The following DPH5 variants were observed in gnomAD, a reference collection of about 807,000 sequenced individuals.
DPH5 encodes diphthine methyl ester synthase.
In DPH5, 31 loss-of-function variants were observed where a neutral mutation model predicts 31.6. That is an observed-to-expected ratio of 0.98 (90% CI 0.74 to 1.32). DPH5 has a LOEUF of 1.32. Among genes scored for constraint, DPH5 ranks in the 40% most tolerant of loss-of-function variants. The pLI, the probability that DPH5 is intolerant of heterozygous loss-of-function variation, is 0.00. For missense variants in DPH5, 309 were observed against 335.7 expected (o/e 0.92, Z 0.62); for synonymous variants, 120 against 115.0 (o/e 1.04, Z -0.28).
intron 2 of DPH5, 31 bp from the exon 3 acceptor site, chr1:101,021,796 G>A: frequency 1.3e-6 from 2 of 1,585,054 alleles, no homozygotes; most frequent in Non-Finnish European, 1.7e-6. Flanking sequence ...TCAAGATAAA[G>A]AGACAGCAGG....
chr1:100,999,271 G>A (rs945594903), intron 5 of DPH5, among the ~76,000 whole-genome samples: 2 of 151,606 alleles, frequency 1.3e-5, no homozygotes, highest in East Asian at 2.0e-4. Flanking sequence ...GCAACATGGC[G>A]AAACTCCATC....
At chr1:101,021,843 C>CACAA in intron 2 of DPH5, 78 bp from the exon 3 acceptor site, 1 of 1,321,926 alleles carries the variant, frequency 7.6e-7, no homozygotes, top group Non-Finnish European at 1.0e-6. Flanking sequence ...CACACACACA[C>CACAA]ACACACACAC....
At chr1:100,997,321 T>C (rs764061778) in intron 5 of DPH5, among the ~76,000 whole-genome samples, 3 of 152,186 alleles carry the variant, frequency 2.0e-5, no homozygotes, top group Non-Finnish European at 2.9e-5. Context: ...CTATCTGCCT[T>C]TCCAAAGCTT....
chr1:101,021,125 A>G (rs1336041080), intron 3 of DPH5, among the ~76,000 whole-genome samples: 1 of 152,196 alleles, frequency 6.6e-6, no homozygotes, highest in African/African-American at 2.4e-5. Flanking sequence ...GGTAATGACA[A>G]AGAACAGGGT....
chr1:101,022,125 T>A (rs1315120689), intron 2 of DPH5, among the ~76,000 whole-genome samples: 4 of 152,202 alleles, frequency 2.6e-5, no homozygotes, highest in East Asian at 3.8e-4. Context: ...AGAAACATGA[T>A]GTAATACAGA....
chr1:100,990,952 G>A (rs889000768), intron 7 of DPH5, among the ~76,000 whole-genome samples: 1 of 152,116 alleles, frequency 6.6e-6, no homozygotes, highest in African/African-American at 2.4e-5. Flanking sequence ...AGTAAACAAT[G>A]TTTATTACAC....
At chr1:100,993,194 A>G (rs1310423881) in intron 6 of DPH5, among the ~76,000 whole-genome samples, 1 of 152,130 alleles carries the variant, frequency 6.6e-6, no homozygotes, top group African/African-American at 2.4e-5. Context: ...AGGTGATGGC[A>G]TACGTTTATT....
intron 4 of DPH5, 127 bp downstream of exon 4, chr1:101,013,583 A>C: frequency 1.6e-6 from 1 of 626,690 alleles, no homozygotes; most frequent in South Asian, 2.6e-5. Flanking sequence ...TGTATATACT[A>C]AGCAGCCTAG....
intron 4 of DPH5, among the ~76,000 whole-genome samples, chr1:101,005,288 C>G (rs1659151338): frequency 1.3e-5 from 2 of 152,152 alleles, no homozygotes; most frequent in African/African-American, 4.8e-5. Context: ...TATTTATATC[C>G]TAAATTAAAT....
chr1:101,012,186 C>T (rs1161940251), intron 4 of DPH5, among the ~76,000 whole-genome samples: 10 of 152,214 alleles, frequency 6.6e-5, no homozygotes, highest in Non-Finnish European at 1.5e-4. Flanking sequence ...CAGGCGTGAG[C>T]TACCACGCCC....
At chr1:100,999,205 T>C (rs538082593) in intron 5 of DPH5, among the ~76,000 whole-genome samples, 2 of 152,224 alleles carry the variant, frequency 1.3e-5, no homozygotes, top group African/African-American at 4.8e-5. Context: ...AGCCCAGCAC[T>C]TTGGGGGGCC....
rs1427365022 is a variant in DPH5 at position 101,025,475 on chromosome 1, C to T, written c.-23-9G>A. The T allele has an allele frequency of 6.2e-7, 1 of 1,612,004 alleles. No individual in the cohort carries two copies. Among genetic ancestry groups the T allele is most frequent in the Non-Finnish European group, 8.5e-7 (1 of 1,179,528 alleles). On this transcript the variant is annotated splice_polypyrimidine_tract_variant and intron_variant, in intron 1 of 7. Coordinates refer to ENST00000370109, the MANE Select transcript of DPH5 (RefSeq NM_015958.3). ...CTTGAGGAGAAGAGAGACTGCAAGA[C>T]GAAGTGGACAGAAAAACCGTCAGTA...
rs942433529 is a variant in DPH5 at position 101,014,794 on chromosome 1, A to C, written c.261-976T>G. Among the ~76,000 whole-genome samples, 12 of 152,288 alleles carry C rather than the reference A, an allele frequency of 7.9e-5. No homozygotes were observed. In the East Asian group the frequency reaches 2.1e-3, roughly 27 times the overall value. Reference sequence around the variant, plus strand: ...GTAATCTATCAACTAAGTTTATATGATATTCTAAATCCTTTGTTGTCATCT... The same window carrying C: ...GTAATCTATCAACTAAGTTTATATGCTATTCTAAATCCTTTGTTGTCATCT... On this transcript the variant is annotated intron_variant, in intron 3 of 7. Transcript: ENST00000370109.
chr1:101,022,250 A>G (rs879460172), intron 2 of DPH5, among the ~76,000 whole-genome samples: 3 of 152,238 alleles, frequency 2.0e-5, no homozygotes, highest in Non-Finnish European at 4.4e-5. Flanking sequence ...CCAATGAGAA[A>G]CAATAGAAAA....
At chr1:101,013,219 G>T (rs965735988) in intron 4 of DPH5, among the ~76,000 whole-genome samples, 7 of 152,108 alleles carry the variant, frequency 4.6e-5, no homozygotes, top group African/African-American at 1.2e-4. Context: ...ACAATTGTGG[G>T]GCACTCTAAC....
chr1:101,011,895 C>CTTTTTTT (rs11352737), intron 4 of DPH5, among the ~76,000 whole-genome samples: 108 of 108,124 alleles, frequency 1.0e-3, no homozygotes, highest in Non-Finnish European at 1.2e-3. Context: ...ATTATCAATT[C>CTTTTTTT]TTTTTTTTTT....
rs773542686 is a variant in DPH5 at position 100,990,486 on chromosome 1, A to T, written c.780T>A (p.His260Gln). ...GACTTAGCATCTCCATCTCCATTGG[A>T]TGTATGCTGCCTCCTGTGATGATCA... ...HSLIITGGSI[H>Q]PMEMEMLSLF... Residue 260 changes from histidine (H) to glutamine (Q), a missense_variant, in exon 8 of 8, where the codon CAT becomes CAA. Physicochemically the swap from His to Gln is conservative, Grantham distance 24 (BLOSUM62 0). Coordinates refer to ENST00000370109, the MANE Select transcript of DPH5 (RefSeq NM_015958.3). 3.1e-6 allele frequency: 5 copies of T among 1,613,990 alleles called. No homozygotes were observed. In the Admixed American group the frequency reaches 5.0e-5, roughly 16 times the overall value.
At chr1:101,017,155 A>G (rs1245406384) in intron 3 of DPH5, among the ~76,000 whole-genome samples, 1 of 152,208 alleles carries the variant, frequency 6.6e-6, no homozygotes, top group Non-Finnish European at 1.5e-5. Flanking sequence ...AATGGCACCA[A>G]TAGGATTGCT....
intron 4 of DPH5, among the ~76,000 whole-genome samples, chr1:101,005,643 A>C (rs1185956334): frequency 2.0e-5 from 3 of 152,338 alleles, no homozygotes; most frequent in African/African-American, 7.2e-5. Context: ...ATATAATTTC[A>C]AAGACAAGAT....
Sources: allele counts gnomAD v4.1 joint callset (sites outside exome capture counted in the v4.1 genomes callset), GRCh38; gene constraint gnomAD v4.1.1; transcripts MANE v1.5; gene names NCBI Gene and HGNC (gene_info 2026-07-23, HGNC 2026-07-21).